Variants in MAGI3 observed in about 807,000 individuals in gnomAD.
MAGI3 encodes the protein membrane associated guanylate kinase, WW and PDZ domain containing 3.
A neutral mutation model predicts 121.8 loss-of-function variants in MAGI3; 43 were observed. The ratio of observed to expected loss-of-function variants is 0.35; its 90% CI spans 0.28 to 0.46. The LOEUF (loss-of-function observed/expected upper bound fraction) is 0.46, where lower values mean the gene tolerates loss of function less well. MAGI3 is among the 20% of genes least tolerant of loss of function. The pLI, the probability that MAGI3 is intolerant of heterozygous loss-of-function variation, is 1.00. For missense variants in MAGI3, 1,547 were observed against 1,797.3 expected (o/e 0.86, Z 2.52); for synonymous variants, 553 against 639.3 (o/e 0.86, Z 2.04).
intron 9 of MAGI3, among the ~76,000 whole-genome samples, chr1:113,635,460 C>G (rs1651946062): frequency 6.6e-6 from 1 of 152,094 alleles, no homozygotes; most frequent in African/African-American, 2.4e-5. Context: ...TGTCAAAGGC[C>G]TTTTCTGCAT....
At chr1:113,450,816 C>G (rs776493986) in intron 1 of MAGI3, 75 of 734,474 alleles carry the variant, frequency 1.0e-4, no homozygotes, top group Middle Eastern at 7.1e-4. Context: ...TTGAGACAGT[C>G]CTCCCAAATG....
At chr1:113,393,197 G>C (rs868742624) in intron 1 of MAGI3, among the ~76,000 whole-genome samples, 3 of 152,076 alleles carry the variant, frequency 2.0e-5, no homozygotes, top group Admixed American at 6.6e-5. Flanking sequence ...AATATTAACT[G>C]TGTTGAATAA....
At chr1:113,523,305 G>A (rs528521688) in intron 1 of MAGI3, among the ~76,000 whole-genome samples, 4 of 152,322 alleles carry the variant, frequency 2.6e-5, no homozygotes, top group African/African-American at 9.6e-5. Flanking sequence ...TTGGGGCACT[G>A]CTGAAAAGAT....
rs142409909 is a variant in MAGI3, at chr1:113,682,226, G to A, written c.3329-671G>A. On this transcript the variant is annotated intron_variant, in intron 20 of 20. Transcript: ENST00000307546. ...TCCCTCTTCAGGTTTGGCTCCTTCCGGTCTGTGCTCCTACGTGAAACCCGA... is the reference window on the plus strand; with the variant it reads ...TCCCTCTTCAGGTTTGGCTCCTTCCAGTCTGTGCTCCTACGTGAAACCCGA... The A allele has an allele frequency of 1.6e-4, 256 of 1,605,348 alleles. 1 individual carries two copies. Among genetic ancestry groups the A allele is most frequent in the Non-Finnish European group, 1.9e-4 (226 of 1,177,806 alleles).
intron 1 of MAGI3, among the ~76,000 whole-genome samples, chr1:113,412,959 A>G (rs987214983): frequency 8.5e-5 from 13 of 152,172 alleles, no homozygotes; most frequent in East Asian, 1.9e-4. Context: ...GCCCATGCCT[A>G]TGTCCTGAAT....
At chr1:113,612,137 T>C (rs569814796) in intron 6 of MAGI3, among the ~76,000 whole-genome samples, 1 of 152,088 alleles carries the variant, frequency 6.6e-6, no homozygotes, top group Admixed American at 6.5e-5. Flanking sequence ...AGAGACGGGG[T>C]TTCACAATGT....
At chr1:113,649,208 T>C (rs750389042) in intron 12 of MAGI3, 29 bp from the exon 13 acceptor site, 3 of 1,509,242 alleles carry the variant, frequency 2.0e-6, no homozygotes, top group Non-Finnish European at 2.7e-6. Context: ...AAATAAATCA[T>C]AGTATTTATA....
intron 1 of MAGI3, among the ~76,000 whole-genome samples, chr1:113,432,352 A>C (rs76067936): frequency 0.012 from 1,760 of 152,310 alleles, 42 homozygotes; most frequent in African/African-American, 0.041. Context: ...AGAGAAGTCA[A>C]GTAATTTGCC....
chr1:113,624,083 A>G (rs755529662), intron 9 of MAGI3, among the ~76,000 whole-genome samples: 48 of 152,168 alleles, frequency 3.2e-4, no homozygotes, highest in Admixed American at 6.5e-5. Flanking sequence ...TATATGTACC[A>G]TGTTTTCTTT....
At chr1:113,671,674 GCTTGGC>G in intron 16 of MAGI3, 54 bp from the exon 17 acceptor site, 1 of 1,514,732 alleles carries the variant, frequency 6.6e-7, no homozygotes, top group East Asian at 2.3e-5. Context: ...TCACAGATCC[GCTTGGC>G]CTTCACATTT....
chr1:113,487,038 G>T (rs1475094589), intron 1 of MAGI3, among the ~76,000 whole-genome samples: 2 of 152,128 alleles, frequency 1.3e-5, no homozygotes, highest in Admixed American at 6.6e-5. Context: ...CGAATTAGGG[G>T]AAGGTTTCTT....
chr1:113,527,158 G>A (rs1658491309), intron 1 of MAGI3, among the ~76,000 whole-genome samples: 4 of 152,124 alleles, frequency 2.6e-5, no homozygotes. Context: ...ATATGTCAGT[G>A]AGGGGGAGAA....
chr1:113,421,041 T>C lies in MAGI3; in HGVS notation c.316+29692T>C, dbSNP rs1287472988. ...TTTTTGAGAGGGCTAACTGTATTTT[T>C]TTCTTGAAAGGTATTTTTGCTGAAA... On this transcript the variant is annotated intron_variant, in intron 1 of 20. Coordinates refer to ENST00000307546, the MANE Select transcript of MAGI3 (RefSeq NM_001142782.2). 2.6e-5 allele frequency among the ~76,000 whole-genome samples: 4 copies of C among 152,338 alleles called. No homozygotes were observed. In the East Asian group the frequency reaches 7.7e-4, roughly 29 times the overall value.
intron 3 of MAGI3, among the ~76,000 whole-genome samples, chr1:113,583,743 T>TAGAAAGTTTGC (rs57051862): frequency 0.73 from 110,551 of 150,966 alleles, 41,031 homozygotes; most frequent in African/African-American, 0.78. Flanking sequence ...ACTTCTGAGC[T>TAGAAAGTTTGC]AGAAAGTTTG....
intron 1 of MAGI3, among the ~76,000 whole-genome samples, chr1:113,398,657 C>T (rs539482391): frequency 6.6e-6 from 1 of 152,046 alleles, no homozygotes; most frequent in South Asian, 2.1e-4. Flanking sequence ...TACATAATGG[C>T]ATTTAACAGA....
chr1:113,585,408 A>C lies in MAGI3; in HGVS notation c.575A>C (p.Lys192Thr). 1 of 1,614,062 alleles carries C rather than the reference A, an allele frequency of 6.2e-7. No homozygotes were observed. Among genetic ancestry groups the C allele is most frequent in the Non-Finnish European group, 8.5e-7 (1 of 1,179,954 alleles). The change falls in exon 4 of 21, where the codon AAG becomes ACG. Residue 192 changes from lysine (K) to threonine (T), a missense_variant. Transcript: ENST00000307546. ...TYDGNFYGTP[K>T]PPAEPSPFQP... ...TCAGGAAACTTCTATGGAACTCCCA[A>C]GCCTCCAGCAGAACCCAGCCCTTTT...
At chr1:113,522,144 G>A (rs968922537) in intron 1 of MAGI3, among the ~76,000 whole-genome samples, 4 of 152,138 alleles carry the variant, frequency 2.6e-5, no homozygotes, top group African/African-American at 9.6e-5. Flanking sequence ...GTCTCACTCT[G>A]TCACCCAGGC....
rs776390069 is a variant in MAGI3, at chr1:113,580,515, C to T, written c.434-27C>T. On this transcript the variant is annotated intron_variant, in intron 2 of 20. Transcript: ENST00000307546. ...TTGTAAGTTTAAAAGTACTTTACAA[C>T]CTACTTTTTTTTTTCTTTTTTCTTA... 5 of 1,581,400 alleles carry T rather than the reference C, an allele frequency of 3.2e-6. No homozygotes were observed. The African/African-American group carries it at 6.9e-5, about 22-fold the overall frequency.
chr1:113,602,074 G>T (rs996243269), intron 6 of MAGI3, among the ~76,000 whole-genome samples: 3 of 139,244 alleles, frequency 2.2e-5, no homozygotes, highest in African/African-American at 5.5e-5. Flanking sequence ...GACTGCTGTG[G>T]GGTGGGGGGA....
Sources: allele counts gnomAD v4.1 joint callset (sites outside exome capture counted in the v4.1 genomes callset), GRCh38; gene constraint gnomAD v4.1.1; transcripts MANE v1.5; gene names NCBI Gene and HGNC (gene_info 2026-07-23, HGNC 2026-07-21).